MRPL30: variants seen among roughly 807,000 people sequenced by gnomAD.
MRPL30 encodes the protein mitochondrial ribosomal protein L30.
MRPL30 carries 10 observed loss-of-function variants against 17.2 expected under a neutral mutation model. The observed-to-expected ratio is 0.58, with a 90% CI of 0.36 to 0.99. MRPL30 has a LOEUF of 0.99. MRPL30 is among the 50% of genes least tolerant of loss of function. The probability of loss-of-function intolerance (pLI) is 0.01; values close to 1 mark genes in which losing one functional copy is unlikely to be tolerated. For missense variants in MRPL30, 170 were observed against 189.8 expected (o/e 0.90, Z 0.61); for synonymous variants, 61 against 62.1 (o/e 0.98, Z 0.08).
At chr2:99,185,106 C>T (rs1020385888) in intron 1 of MRPL30, among the ~76,000 whole-genome samples, 6 of 152,098 alleles carry the variant, frequency 3.9e-5, no homozygotes, top group African/African-American at 1.2e-4. Flanking sequence ...GGAGCGTGAA[C>T]GCTACTGTGA....
intron 2 of MRPL30, chr2:99,187,157 A>T (rs1017016313): frequency 3.3e-5 from 5 of 152,282 alleles, no homozygotes; most frequent in Non-Finnish European, 5.9e-5. Context: ...AGCAGAACTC[A>T]GCCCAGTGCC....
At position 99,182,935 on chromosome 2, in the gene MRPL30, C is replaced by T. The variant is rs575614636; in HGVS notation, c.-28+1686C>T. Among the ~76,000 whole-genome samples the T allele has an allele frequency of 4.6e-4, 70 of 151,990 alleles. 1 individual carries two copies. Among genetic ancestry groups the T allele is most frequent in the Non-Finnish European group, 7.6e-4 (52 of 68,026 alleles). On this transcript the variant is annotated intron_variant, in intron 1 of 5. Transcript: ENST00000338148. Reference sequence around the variant, plus strand: ...CAAAACCTAACAGATAATTAAGTTACGTTAGAAGATAAGCACGATAGAAAG... The same window carrying T: ...CAAAACCTAACAGATAATTAAGTTATGTTAGAAGATAAGCACGATAGAAAG...
intron 3 of MRPL30, among the ~76,000 whole-genome samples, chr2:99,192,741 G>A (rs566862482): frequency 3.3e-5 from 5 of 152,112 alleles, no homozygotes; most frequent in Non-Finnish European, 7.3e-5. Context: ...ATTCCTTTGG[G>A]TATATACCCA....
At chr2:99,194,312 C>T (rs758055253) in intron 3 of MRPL30, among the ~76,000 whole-genome samples, 4 of 152,128 alleles carry the variant, frequency 2.6e-5, no homozygotes, top group Non-Finnish European at 5.9e-5. Context: ...TGTTTCTGAT[C>T]GCTCATAGGC....
At chr2:99,183,508 G>T (rs551670432) in intron 1 of MRPL30, among the ~76,000 whole-genome samples, 38 of 151,350 alleles carry the variant, frequency 2.5e-4, no homozygotes, top group African/African-American at 9.2e-4. Flanking sequence ...GGCGGAGGTT[G>T]CAGTGAGCCA....
intron 5 of MRPL30, 73 bp from the exon 6 acceptor site, chr2:99,195,500 T>G (rs1430659532): frequency 2.7e-6 from 4 of 1,475,796 alleles, no homozygotes; most frequent in Non-Finnish European, 3.7e-6. Context: ...TATTGTTAAC[T>G]GTAGTTATCC....
chr2:99,193,373 A>G (rs961383681), intron 3 of MRPL30, among the ~76,000 whole-genome samples: 12 of 152,196 alleles, frequency 7.9e-5, no homozygotes, highest in Admixed American at 2.6e-4. Context: ...TACACTGTTT[A>G]CATTTCTACA....
intron 3 of MRPL30, among the ~76,000 whole-genome samples, chr2:99,192,606 G>A (rs545122102): frequency 6.6e-6 from 1 of 152,282 alleles, no homozygotes; most frequent in East Asian, 1.9e-4. Context: ...TGGTGTATAT[G>A]TACCACATTT....
chr2:99,186,337 T>G (rs868047213), intron 2 of MRPL30, 83 bp downstream of exon 2: 47 of 1,313,430 alleles, frequency 3.6e-5, no homozygotes, highest in Non-Finnish European at 4.8e-5. Flanking sequence ...CTAAGTTCTT[T>G]TTTTTATTTT....
At chr2:99,181,524 T>C (rs2093921592) in intron 1 of MRPL30, among the ~76,000 whole-genome samples, 1 of 151,846 alleles carries the variant, frequency 6.6e-6, no homozygotes. Flanking sequence ...CTGGACAGCT[T>C]GGGAAAGGGA....
At position 99,195,653 on chromosome 2, in the gene MRPL30, T is replaced by C; in HGVS notation, c.434T>C (p.Leu145Ser). The C allele has an allele frequency of 1.9e-6, 3 of 1,613,644 alleles. No individual in the cohort carries two copies. The highest frequency in any genetic ancestry group is 2.5e-6 in the Non-Finnish European group (3 of 1,179,882). The change falls in exon 6 of 6, where the codon TTA (leucine) becomes TCA (serine). Residue 145 changes from leucine (L) to serine (S), a missense_variant. Leu to Ser is a moderately radical substitution (Grantham distance 145, BLOSUM62 -2). Transcript: ENST00000338148. Reference protein sequence around the residue: ...SNTCLKSTGELVVQWHLKPVE... With the variant: ...SNTCLKSTGESVVQWHLKPVE... ...ACGTGCCTCAAAAGCACTGGGGAGT[T>C]AGTAGTGCAGTGGCATCTGAAACCT...
At chr2:99,186,297 G>A (rs1225916099) in intron 2 of MRPL30, 43 bp downstream of exon 2, 1 of 1,571,520 alleles carries the variant, frequency 6.4e-7, no homozygotes, top group Non-Finnish European at 8.7e-7. Context: ...TACCCCTTAT[G>A]AATTTTTTTT....
intron 3 of MRPL30, among the ~76,000 whole-genome samples, chr2:99,194,365 A>G (rs1304518477): frequency 2.0e-5 from 3 of 152,154 alleles, no homozygotes; most frequent in African/African-American, 7.2e-5. Context: ...AATACTTTGT[A>G]GATTCTTTTT....
chr2:99,193,077 A>G (rs1386777188), intron 3 of MRPL30, among the ~76,000 whole-genome samples: 2 of 152,236 alleles, frequency 1.3e-5, no homozygotes, highest in Non-Finnish European at 2.9e-5. Flanking sequence ...CAATCTACCC[A>G]TCTGACAAAG....
intron 1 of MRPL30, among the ~76,000 whole-genome samples, chr2:99,182,315 G>A (rs1220787059): frequency 6.6e-6 from 1 of 152,180 alleles, no homozygotes; most frequent in Non-Finnish European, 1.5e-5. Flanking sequence ...CAGCACTTTC[G>A]GAGGCCGAGG....
At position 99,198,960 on chromosome 2, in the gene MRPL30, A is replaced by G. The variant is rs2093959246; in HGVS notation, c.*3255A>G. On this transcript the variant is annotated 3_prime_UTR_variant, in exon 6 of 6. Transcript: ENST00000338148. ...ATTTTCTTCATTTTTTTTTTCTCATAAGAATGCTAGCTAGTATGCCTATTA... is the reference window on the plus strand; with the variant it reads ...ATTTTCTTCATTTTTTTTTTCTCATGAGAATGCTAGCTAGTATGCCTATTA... Among the ~76,000 whole-genome samples the G allele has an allele frequency of 6.6e-6, 1 of 151,874 alleles. No homozygotes were observed. Among genetic ancestry groups the G allele is most frequent in the African/African-American group, 2.4e-5 (1 of 41,344 alleles).
chr2:99,195,607 G>A lies in MRPL30; in HGVS notation c.388G>A (p.Ala130Thr), dbSNP rs1044575. The A allele has an allele frequency of 0.65, 1,042,350 of 1,609,874 alleles. 339,976 individuals are homozygous for A. The highest frequency in any genetic ancestry group is 0.89 in the East Asian group (39,657 of 44,748). ...CTTGAAGTTGCCACAAGGACTTCCA[G>A]CAGAGGAGAACATGTCTAACACGTG... ...KPLKLPQGLP[A>T]EENMSNTCLK... The change falls in exon 6 of 6, where the codon GCA (alanine) becomes ACA (threonine). Residue 130 changes from alanine (A) to threonine (T), a missense_variant. By Grantham distance (58) the Ala-to-Thr change is moderately conservative. Coordinates refer to ENST00000338148, the MANE Select transcript of MRPL30 (RefSeq NM_145212.4).
chr2:99,195,001 G>A (rs2093952857), intron 4 of MRPL30, 104 bp downstream of exon 4: 2 of 1,351,590 alleles, frequency 1.5e-6, no homozygotes, highest in Middle Eastern at 3.8e-4. Context: ...GTATTACTTA[G>A]GGTAATTTAT....
rs143719333 is a variant in MRPL30, at chr2:99,198,800, C to G, written c.*3095C>G. Reference sequence around the variant, plus strand: ...TGCTTTGTTTAGTGTCACCTGCCTTCTTTCAGGAGGTTTTGCCTGACATCT... The same window carrying G: ...TGCTTTGTTTAGTGTCACCTGCCTTGTTTCAGGAGGTTTTGCCTGACATCT... On this transcript the variant is annotated 3_prime_UTR_variant, in exon 6 of 6. Coordinates refer to ENST00000338148, the MANE Select transcript of MRPL30 (RefSeq NM_145212.4). Among the ~76,000 whole-genome samples the G allele has an allele frequency of 2.2e-3, 330 of 152,292 alleles. No individual in the cohort carries two copies. The highest frequency in any genetic ancestry group is 6.8e-3 in the Middle Eastern group (2 of 294).
Sources: gnomAD v4.1 joint callset for allele counts (sites outside exome capture counted in the v4.1 genomes callset) on GRCh38, gnomAD v4.1.1 for gene constraint, MANE v1.5 for transcripts, NCBI Gene and HGNC (gene_info 2026-07-23, HGNC 2026-07-21) for gene names.